DIAPH3: variants seen among roughly 807,000 people sequenced by gnomAD.
The protein encoded by DIAPH3 is protein diaphanous homolog 3.
Under a neutral mutation model 144.3 loss-of-function variants are expected in DIAPH3, and 117 were observed. The ratio of observed to expected loss-of-function variants is 0.81; its 90% CI spans 0.70 to 0.95. The LOEUF (loss-of-function observed/expected upper bound fraction) is 0.95. Ranked by LOEUF, DIAPH3 falls within the 40% of genes least tolerant of loss-of-function variation. DIAPH3 has a pLI of 0.00. For missense variants in DIAPH3, 1,421 were observed against 1,412.7 expected (o/e 1.01, Z -0.09); for synonymous variants, 519 against 488.9 (o/e 1.06, Z -0.81).
intron 4 of DIAPH3, among the ~76,000 whole-genome samples, chr13:60,082,991 T>C (rs1370195790): frequency 6.6e-6 from 1 of 152,012 alleles, no homozygotes; most frequent in African/African-American, 2.4e-5. Context: ...AAAACAGTAA[T>C]TAAACAAAAA....
At chr13:60,123,982 T>C (rs1373570281) in intron 2 of DIAPH3, among the ~76,000 whole-genome samples, 1 of 152,234 alleles carries the variant, frequency 6.6e-6, no homozygotes, top group Non-Finnish European at 1.5e-5. Context: ...GTCATTTTCC[T>C]TTCTTTCATA....
At chr13:59,812,610 T>C (rs2040545411) in intron 24 of DIAPH3, among the ~76,000 whole-genome samples, 2 of 152,144 alleles carry the variant, frequency 1.3e-5, no homozygotes, top group Non-Finnish European at 2.9e-5. Context: ...TGATTCAAGC[T>C]GAATCTTAAA....
At chr13:59,756,517 T>TCAGG (rs1342894461) in intron 27 of DIAPH3, among the ~76,000 whole-genome samples, 2 of 94,672 alleles carry the variant, frequency 2.1e-5, no homozygotes, top group African/African-American at 8.5e-5. Context: ...AGGCAGGTAG[T>TCAGG]CAGGCAGGCA....
At chr13:59,842,561 C>T (rs2042408391) in intron 22 of DIAPH3, among the ~76,000 whole-genome samples, 1 of 152,066 alleles carries the variant, frequency 6.6e-6, no homozygotes, top group Non-Finnish European at 1.5e-5. Context: ...ATACTAACTA[C>T]CCAGATTTAG....
chr13:59,943,027 A>T (rs1189889387), intron 17 of DIAPH3, among the ~76,000 whole-genome samples: 4 of 152,198 alleles, frequency 2.6e-5, no homozygotes, highest in Non-Finnish European at 5.9e-5. Context: ...ATATATATAT[A>T]AGCATTTGTT....
intron 5 of DIAPH3, among the ~76,000 whole-genome samples, chr13:60,040,287 T>G (rs895202719): frequency 2.9e-4 from 41 of 141,574 alleles, no homozygotes; most frequent in Non-Finnish European, 3.1e-5. Flanking sequence ...TAAAGTGGCA[T>G]GATTTCAGAA....
At chr13:59,813,913 G>A (rs1156293717) in intron 24 of DIAPH3, among the ~76,000 whole-genome samples, 1 of 151,880 alleles carries the variant, frequency 6.6e-6, no homozygotes, top group Non-Finnish European at 1.5e-5. Context: ...ATAATCATGG[G>A]TTCAAAGACA....
intron 2 of DIAPH3, among the ~76,000 whole-genome samples, chr13:60,125,752 G>T (rs2058975449): frequency 6.6e-6 from 1 of 152,122 alleles, no homozygotes; most frequent in Admixed American, 6.6e-5. Flanking sequence ...AACATTATCA[G>T]ATAGGCAATG....
chr13:60,143,219 A>AG (rs1951355281), intron 1 of DIAPH3, among the ~76,000 whole-genome samples: 1 of 152,156 alleles, frequency 6.6e-6, no homozygotes, highest in South Asian at 2.1e-4. Flanking sequence ...AGGTTCTCTA[A>AG]GCTTGCCCAC....
rs560467615 is a variant in DIAPH3 at position 59,824,731 on chromosome 13, T to C, written c.3027+8376A>G. 8.5e-5 allele frequency among the ~76,000 whole-genome samples: 13 copies of C among 152,306 alleles called. No homozygotes were observed. In the South Asian group the frequency reaches 2.3e-3, roughly 27 times the overall value. Reference sequence around the variant, plus strand: ...ATCTACAAAAAAGAGAACACCAATATAATGCTTCTCCACTTTTTGTGTGCA... The same window carrying C: ...ATCTACAAAAAAGAGAACACCAATACAATGCTTCTCCACTTTTTGTGTGCA... On this transcript the variant is annotated intron_variant, in intron 24 of 27. Transcript: ENST00000400324.
At chr13:60,149,606 T>C (rs990016046) in intron 1 of DIAPH3, among the ~76,000 whole-genome samples, 2 of 151,760 alleles carry the variant, frequency 1.3e-5, no homozygotes, top group African/African-American at 2.4e-5. Context: ...AATAAATAAA[T>C]TAGCCAAGCG....
At chr13:60,085,963 C>A (rs879747790) in intron 4 of DIAPH3, among the ~76,000 whole-genome samples, 2 of 151,976 alleles carry the variant, frequency 1.3e-5, no homozygotes, top group African/African-American at 2.4e-5. Flanking sequence ...CCTTGGATGA[C>A]CTCTAATGCC....
chr13:59,861,307 CTG>C (rs1407125898), intron 22 of DIAPH3, 98 bp downstream of exon 22: 3 of 1,595,182 alleles, frequency 1.9e-6, no homozygotes, highest in Non-Finnish European at 2.6e-6. Flanking sequence ...TATGAAAACA[CTG>C]TGAGAAAGTG....
chr13:60,010,475 A>G, intron 8 of DIAPH3, 58 bp downstream of exon 8: 1 of 1,473,698 alleles, frequency 6.8e-7, no homozygotes, highest in Non-Finnish European at 9.2e-7. Flanking sequence ...GAAACATTAA[A>G]TGAATCAATC....
rs558678599 is a variant in DIAPH3 at position 59,757,392 on chromosome 13, C to CTTTTT, written c.3319+16792_3319+16796dup. 1.5e-4 allele frequency among the ~76,000 whole-genome samples: 14 copies of CTTTTT among 93,064 alleles called. 1 individual carries two copies. Among genetic ancestry groups the CTTTTT allele is most frequent in the South Asian group, 3.9e-4 (1 of 2,556 alleles). The allele number at this position is 93,064 out of a possible 152,430, so 61.1% of individuals were successfully genotyped here. A position where few individuals can be genotyped will look rare whatever the true frequency, so the allele number is the denominator to read the frequency against. On this transcript the variant is annotated intron_variant, in intron 27 of 27. Coordinates refer to ENST00000400324, the MANE Select transcript of DIAPH3 (RefSeq NM_001042517.2). Reference sequence around the variant, plus strand: ...GGAAAGCTAGTTATTATGGGTCATCCTTTTTTTTTTTTTTTTTTTTTTTTT... The same window carrying CTTTTT: ...GGAAAGCTAGTTATTATGGGTCATCCTTTTTTTTTTTTTTTTTTTTTTTTTTTTTT...
chr13:60,054,779 T>G (rs1037256291), intron 4 of DIAPH3, among the ~76,000 whole-genome samples: 1 of 151,984 alleles, frequency 6.6e-6, no homozygotes, highest in African/African-American at 2.4e-5. Context: ...GACTATTTCC[T>G]TGCATTTTTC....
intron 17 of DIAPH3, among the ~76,000 whole-genome samples, chr13:59,953,838 A>T (rs1403172472): frequency 6.6e-6 from 1 of 152,226 alleles, no homozygotes; most frequent in East Asian, 1.9e-4. Flanking sequence ...CATAAATCTG[A>T]AGATAGTTTG....
At chr13:59,731,832 G>C (rs763659017) in intron 27 of DIAPH3, among the ~76,000 whole-genome samples, 12 of 152,118 alleles carry the variant, frequency 7.9e-5, no homozygotes, top group Non-Finnish European at 1.3e-4. Flanking sequence ...AAGTTAGAAA[G>C]ATTTCTTGCT....
intron 27 of DIAPH3, among the ~76,000 whole-genome samples, chr13:59,765,849 T>C (rs892404719): frequency 1.3e-5 from 2 of 152,298 alleles, no homozygotes; most frequent in East Asian, 3.9e-4. Flanking sequence ...TCCAATGGTA[T>C]CTTATAAATA....
Sources: allele counts gnomAD v4.1 joint callset (sites outside exome capture counted in the v4.1 genomes callset), GRCh38; gene constraint gnomAD v4.1.1; transcripts MANE v1.5; gene names NCBI Gene and HGNC (gene_info 2026-07-23, HGNC 2026-07-21).